The following PRKCE variants were observed in gnomAD, a reference collection of about 807,000 sequenced individuals.
PRKCE encodes protein kinase C epsilon type.
Under a neutral mutation model 85.4 loss-of-function variants are expected in PRKCE, and 16 were observed. The ratio of observed to expected loss-of-function variants is 0.19; its 90% confidence interval spans 0.13 to 0.28. The LOEUF is 0.28. Ranked by LOEUF, PRKCE falls within the 10% of genes least tolerant of loss-of-function variation. PRKCE has a pLI of 1.00. For missense variants in PRKCE, 573 were observed against 975.2 expected, an observed-to-expected ratio of 0.59 and a Z score of 5.49; for synonymous variants, 388 against 371.5, an observed-to-expected ratio of 1.04 and a Z score of -0.51.
At chr2:46,099,585 G>A (rs1423389826) in intron 11 of PRKCE, among the ~76,000 whole-genome samples, 3 of 151,512 alleles carry the variant, frequency 2.0e-5, no homozygotes, top group East Asian at 1.9e-4. Flanking sequence ...TTCTTCCAGC[G>A]AAGTTAGTTA....
At chr2:45,974,915 A>G (rs1042630354) in intron 2 of PRKCE, among the ~76,000 whole-genome samples, 1 of 152,124 alleles carries the variant, frequency 6.6e-6, no homozygotes, top group African/African-American at 2.4e-5. Context: ...AAGAAGCCCA[A>G]AGCCTGCCCA....
chr2:45,958,806 ATATATATATATTTTTTTTTTTTTTTT>A (rs1247103923), intron 2 of PRKCE, among the ~76,000 whole-genome samples: 1 of 22,504 alleles, frequency 4.4e-5, no homozygotes, highest in Non-Finnish European at 7.6e-5. Flanking sequence ...ATATATATAT[ATATATATATATTTTTTTTTTTTTTTT>A]TTTTTTTTTT....
At chr2:45,735,774 A>T (rs147170927) in intron 1 of PRKCE, among the ~76,000 whole-genome samples, 1 of 152,334 alleles carries the variant, frequency 6.6e-6, no homozygotes, top group East Asian at 1.9e-4. Flanking sequence ...CCGGATCCTT[A>T]TTCTGGGGAA....
intron 10 of PRKCE, among the ~76,000 whole-genome samples, chr2:46,038,673 AC>A (rs1708033872): frequency 2.6e-5 from 4 of 151,004 alleles, no homozygotes; most frequent in African/African-American, 9.8e-5. Context: ...ACACACACAC[AC>A]ACACACACAC....
chr2:46,177,803 T>G (rs1017094377), intron 14 of PRKCE, among the ~76,000 whole-genome samples: 5 of 152,238 alleles, frequency 3.3e-5, no homozygotes, highest in African/African-American at 1.2e-4. Context: ...TGTTTTCTCA[T>G]AGCTACTTAA....
intron 2 of PRKCE, among the ~76,000 whole-genome samples, chr2:45,868,006 C>A (rs1053240488): frequency 6.6e-6 from 1 of 152,030 alleles, no homozygotes; most frequent in Non-Finnish European, 1.5e-5. Flanking sequence ...TGTTTTGATG[C>A]CTCATTCCCG....
At chr2:46,150,070 G>C (rs545385954) in intron 12 of PRKCE, among the ~76,000 whole-genome samples, 1 of 151,934 alleles carries the variant, frequency 6.6e-6, no homozygotes, top group Non-Finnish European at 1.5e-5. Context: ...GGCTGGTCTC[G>C]AAGTCCTGGA....
intron 2 of PRKCE, among the ~76,000 whole-genome samples, chr2:45,960,275 T>C (rs984005238): frequency 1.3e-5 from 2 of 152,230 alleles, no homozygotes; most frequent in Non-Finnish European, 2.9e-5. Flanking sequence ...GTCACTTGGA[T>C]TTTCTTAGTG....
chr2:45,709,969 C>G (rs995852088), intron 1 of PRKCE, among the ~76,000 whole-genome samples: 5 of 152,294 alleles, frequency 3.3e-5, no homozygotes, highest in Middle Eastern at 3.4e-3. Flanking sequence ...GCCACCACGC[C>G]TGGCTAATTT....
At chr2:45,868,332 A>AC (rs200109158) in intron 2 of PRKCE, among the ~76,000 whole-genome samples, 9,501 of 144,598 alleles carry the variant, frequency 0.066, 630 homozygotes, top group African/African-American at 0.14. Context: ...AAAAAAAAAA[A>AC]AAAAAAAAAA....
chr2:45,799,893 G>A (rs1315152036), intron 1 of PRKCE, among the ~76,000 whole-genome samples: 3 of 152,192 alleles, frequency 2.0e-5, no homozygotes, highest in African/African-American at 7.2e-5. Context: ...ATGTCACCAG[G>A]CTGCAGCTTA....
chr2:46,051,719 C>G (rs1052879298), intron 10 of PRKCE, among the ~76,000 whole-genome samples: 1 of 152,174 alleles, frequency 6.6e-6, no homozygotes, highest in African/African-American at 2.4e-5. Flanking sequence ...AACAAATCCT[C>G]AATGATGCTA....
At position 45,976,622 on chromosome 2, in the gene PRKCE, C is replaced by T. The variant is rs537469673; in HGVS notation, c.572+34C>T. Reference sequence around the variant, plus strand: ...TTCTCTTGGGAACCTCTAATTACAACATCTCTGTTACAAGATGTCGGGGAT... The same window carrying T: ...TTCTCTTGGGAACCTCTAATTACAATATCTCTGTTACAAGATGTCGGGGAT... On this transcript the variant is annotated intron_variant, in intron 3 of 14. Transcript: ENST00000306156. 4.7e-5 allele frequency: 75 copies of T among 1,592,062 alleles called. 3 individuals are homozygous for T. In the South Asian group the frequency reaches 5.4e-4, roughly 11 times the overall value.
intron 2 of PRKCE, among the ~76,000 whole-genome samples, chr2:45,870,868 G>A (rs1420059579): frequency 6.6e-6 from 1 of 152,204 alleles, no homozygotes; most frequent in Admixed American, 6.5e-5. Flanking sequence ...TGAGCGCTTG[G>A]TGATGACAAA....
chr2:45,663,037 T>C (rs1675748467), intron 1 of PRKCE, among the ~76,000 whole-genome samples: 1 of 152,228 alleles, frequency 6.6e-6, no homozygotes, highest in Non-Finnish European at 1.5e-5. Flanking sequence ...CCAGATTGAC[T>C]TTCAAGGAGT....
At position 46,004,370 on chromosome 2, in the gene PRKCE, C is replaced by G. The variant is rs888082003; in HGVS notation, c.967-172C>G. ...CTCTGGTCAGACGTCACAGAGGGAT[C>G]GAACTTCATTTTGGCTACTTTGGCG... On this transcript the variant is annotated intron_variant, in intron 7 of 14. Transcript: ENST00000306156. The surrounding 1 kb of genome is among the most constrained non-coding windows in gnomAD (Gnocchi z 4.1). 6 of 587,040 alleles carry G rather than the reference C, an allele frequency of 1.0e-5. No homozygotes were observed. In the African/African-American group the frequency reaches 1.1e-4, roughly 11 times the overall value. 36.4% of individuals were successfully genotyped at this position (587,040 alleles called of 1,614,324 possible).
chr2:46,026,920 G>A (rs1574272324), intron 10 of PRKCE, among the ~76,000 whole-genome samples: 1 of 152,184 alleles, frequency 6.6e-6, no homozygotes, highest in African/African-American at 2.4e-5. Flanking sequence ...GGGTGTGGTG[G>A]TTCATGTCTG....
At chr2:45,909,568 G>C (rs1210690326) in intron 2 of PRKCE, among the ~76,000 whole-genome samples, 1 of 152,186 alleles carries the variant, frequency 6.6e-6, no homozygotes, top group Non-Finnish European at 1.5e-5. Context: ...TGTTAAAATA[G>C]CAAATAAACA....
chr2:45,928,844 G>T (rs1698825872), intron 2 of PRKCE, among the ~76,000 whole-genome samples: 2 of 152,038 alleles, frequency 1.3e-5, no homozygotes, highest in African/African-American at 4.8e-5. Flanking sequence ...TGCACAACCA[G>T]AATTAGACTA....
Sources: allele counts gnomAD v4.1 joint callset (sites outside exome capture counted in the v4.1 genomes callset), GRCh38; gene constraint gnomAD v4.1.1; non-coding constraint Gnocchi (gnomAD v3.1); transcripts MANE v1.5; gene names NCBI Gene and HGNC (gene_info 2026-07-23, HGNC 2026-07-21).